CLMP: variants seen among roughly 807,000 people sequenced by gnomAD.
CLMP encodes the protein CXADR-like membrane protein.
CLMP carries 27 observed loss-of-function variants against 45.2 expected under a neutral mutation model. That is an observed-to-expected ratio of 0.60 (90% CI 0.44 to 0.82). The LOEUF is 0.82. Ranked by LOEUF, CLMP falls within the 40% of genes least tolerant of loss-of-function variation. CLMP has a pLI of 0.00. For synonymous variants in CLMP, 167 were observed against 171.4 expected (o/e 0.97, Z 0.20); for missense variants, 403 against 448.4 (o/e 0.90, Z 0.91).
intron 1 of CLMP, among the ~76,000 whole-genome samples, chr11:123,105,157 T>C (rs889753166): frequency 1.3e-5 from 2 of 152,070 alleles, no homozygotes; most frequent in Admixed American, 6.6e-5. Flanking sequence ...ATCCGCAAAA[T>C]GGGAATTAAA....
intron 3 of CLMP, among the ~76,000 whole-genome samples, chr11:123,084,113 T>C (rs1000403453): frequency 6.6e-6 from 1 of 152,192 alleles, no homozygotes; most frequent in Non-Finnish European, 1.5e-5. Flanking sequence ...GAAGACACAT[T>C]ATTATTGGAC....
rs1252699281 is a variant in CLMP at position 123,070,687 on chromosome 11, C to T, written c.*2787G>A. On this transcript the variant is annotated 3_prime_UTR_variant, in exon 7 of 7. Transcript: ENST00000448775. The stretch of plus-strand genomic sequence containing the variant: ...CTCAGGTACTCTAGAAATGAGAATT[C>T]TTAGAATTACATAGCAGAAGTGATA... 1 of 152,140 alleles carries T rather than the reference C, an allele frequency of 6.6e-6. No homozygotes were observed. Among genetic ancestry groups the T allele is most frequent in the Non-Finnish European group, 1.5e-5 (1 of 68,052 alleles). The allele number at this position is 152,140 out of a possible 1,614,324, so 9.4% of individuals were successfully genotyped here. A position where few individuals can be genotyped will look rare whatever the true frequency, so the allele number is the denominator to read the frequency against.
chr11:123,163,973 A>AT (rs1434067639), intron 1 of CLMP, among the ~76,000 whole-genome samples: 1 of 152,172 alleles, frequency 6.6e-6, no homozygotes, highest in African/African-American at 2.4e-5. Flanking sequence ...TAGTGCCCAC[A>AT]TTTTGTTTTA....
intron 1 of CLMP, among the ~76,000 whole-genome samples, chr11:123,106,383 G>A (rs12798808): frequency 6.2e-4 from 46 of 73,638 alleles, no homozygotes; most frequent in South Asian, 1.2e-3. Context: ...TCTGTAGGAG[G>A]TGTGTGTGTG....
rs1191529818 is a variant in CLMP, at chr11:123,118,918, ATTTTCTTTTC to A, written c.29-20976_29-20967del. The stretch of plus-strand genomic sequence containing the variant: ...GGATTGTCTTCCAGGTGATCTTTGC[ATTTTCTTTTC>A]TTTTCTTTCTTTCTTTCTTTCTTTC... On this transcript the variant is annotated intron_variant, in intron 1 of 6. Transcript: ENST00000448775. Among the ~76,000 whole-genome samples the A allele has an allele frequency of 1.5e-3, 194 of 130,574 alleles. 5 individuals carry two copies. Among genetic ancestry groups the A allele is most frequent in the African/African-American group, 4.6e-3 (157 of 34,138 alleles). 85.7% of individuals were successfully genotyped at this position (130,574 alleles called of 152,430 possible).
chr11:123,158,912 A>G (rs779271874), intron 1 of CLMP, among the ~76,000 whole-genome samples: 25 of 152,220 alleles, frequency 1.6e-4, no homozygotes, highest in South Asian at 6.2e-4. Flanking sequence ...TGGCATAGAG[A>G]GAATGTTCAG....
At chr11:123,093,031 C>CA in intron 2 of CLMP, among the ~76,000 whole-genome samples, 1 of 151,674 alleles carries the variant, frequency 6.6e-6, no homozygotes, top group East Asian at 2.0e-4. Flanking sequence ...CCTCAGCCTC[C>CA]TGAGTAACTG....
chr11:123,183,839 G>A (rs935630596), intron 1 of CLMP, among the ~76,000 whole-genome samples: 2 of 152,190 alleles, frequency 1.3e-5, no homozygotes, highest in African/African-American at 4.8e-5. Context: ...CCTGCTGAGT[G>A]CGGTGGGGTG....
At chr11:123,086,541 G>A (rs1466416230) in intron 2 of CLMP, among the ~76,000 whole-genome samples, 3 of 152,206 alleles carry the variant, frequency 2.0e-5, no homozygotes, top group Non-Finnish European at 4.4e-5. Context: ...CCTTTCCTGA[G>A]AAGGTTCTCT....
At chr11:123,110,368 C>T (rs10458940) in intron 1 of CLMP, among the ~76,000 whole-genome samples, 3,076 of 151,478 alleles carry the variant, frequency 0.02, 99 homozygotes, top group East Asian at 0.17. Context: ...ATGGGAGAAT[C>T]GCTTGAACCC....
intron 1 of CLMP, among the ~76,000 whole-genome samples, chr11:123,132,381 A>C (rs892052074): frequency 2.6e-5 from 4 of 152,268 alleles, no homozygotes; most frequent in African/African-American, 9.6e-5. Context: ...AGTTTCCCCA[A>C]TGTTTTCTAT....
intron 1 of CLMP, among the ~76,000 whole-genome samples, chr11:123,119,187 G>T (rs184414674): frequency 0.022 from 3,299 of 151,192 alleles, 129 homozygotes; most frequent in African/African-American, 0.075. Flanking sequence ...GGGATCAAGC[G>T]ATTCCCCTGC....
At chr11:123,165,508 C>T (rs903853578) in intron 1 of CLMP, among the ~76,000 whole-genome samples, 12 of 152,300 alleles carry the variant, frequency 7.9e-5, no homozygotes, top group African/African-American at 2.6e-4. Context: ...AGATGTCCCT[C>T]TCATAGTTAA....
intron 5 of CLMP, among the ~76,000 whole-genome samples, chr11:123,077,334 T>C (rs1330566280): frequency 6.6e-6 from 1 of 151,256 alleles, no homozygotes; most frequent in Non-Finnish European, 1.5e-5. Flanking sequence ...ATGATACAAT[T>C]ATTTATTTAT....
chr11:123,188,184 G>A lies in CLMP; in HGVS notation c.28+6729C>T, dbSNP rs1014954333. Among the ~76,000 whole-genome samples, 7 of 152,164 alleles carry A rather than the reference G, an allele frequency of 4.6e-5. No individual in the cohort carries two copies. In the South Asian group the frequency reaches 1.0e-3, roughly 23 times the overall value. ...GGTCTCAGAGCCCAGCTAGGGGCCC[G>A]AACTCTAGCAGGCGCACCCGCTCTG... On this transcript the variant is annotated intron_variant, in intron 1 of 6. Transcript: ENST00000448775.
At chr11:123,121,888 C>A (rs1860823553) in intron 1 of CLMP, among the ~76,000 whole-genome samples, 1 of 152,118 alleles carries the variant, frequency 6.6e-6, no homozygotes, top group South Asian at 2.1e-4. Context: ...TGACTACAGG[C>A]ACGTGCCCTT....
At chr11:123,084,766 C>T in intron 2 of CLMP, 53 bp from the exon 3 acceptor site, 1 of 1,516,842 alleles carries the variant, frequency 6.6e-7, no homozygotes, top group Non-Finnish European at 9.1e-7. Flanking sequence ...GCCTGCCTTT[C>T]CTGATGGTGT....
chr11:123,078,919 T>C (rs1865770874), intron 5 of CLMP, among the ~76,000 whole-genome samples: 1 of 152,004 alleles, frequency 6.6e-6, no homozygotes, highest in Non-Finnish European at 1.5e-5. Context: ...GCTGGGATTA[T>C]AGGCGTGAGT....
At chr11:123,181,811 CTTG>C (rs1320823992) in intron 1 of CLMP, among the ~76,000 whole-genome samples, 2 of 152,222 alleles carry the variant, frequency 1.3e-5, no homozygotes, top group African/African-American at 2.4e-5. Context: ...AGTTCGATTT[CTTG>C]TTGTCTGGGT....
Sources: gnomAD v4.1 joint callset for allele counts (sites outside exome capture counted in the v4.1 genomes callset) on GRCh38, gnomAD v4.1.1 for gene constraint, MANE v1.5 for transcripts, NCBI Gene and HGNC (gene_info 2026-07-23, HGNC 2026-07-21) for gene names.